PAH: variants seen among roughly 807,000 people sequenced by gnomAD.
PAH encodes the protein phenylalanine hydroxylase.
PAH carries 64 observed loss-of-function variants against 62.0 expected under a neutral mutation model. That is an observed-to-expected ratio of 1.03 (90% CI 0.84 to 1.27). The LOEUF is 1.27. Among genes scored for constraint, PAH ranks in the 50% most tolerant of loss-of-function variants. The pLI is 0.00. For synonymous variants in PAH, 195 were observed against 196.2 expected, an observed-to-expected ratio of 0.99 and a Z score of 0.05; for missense variants, 579 against 542.8, an observed-to-expected ratio of 1.07 and a Z score of -0.66.
chr12:102,887,741 C>T (rs749907983), intron 3 of PAH, among the ~76,000 whole-genome samples: 3 of 152,056 alleles, frequency 2.0e-5, no homozygotes, highest in Non-Finnish European at 2.9e-5. Flanking sequence ...GAAGGAGAAG[C>T]GGTCATCCAT....
intron 5 of PAH, among the ~76,000 whole-genome samples, chr12:102,864,711 A>G (rs1370995190): frequency 1.3e-5 from 2 of 151,742 alleles, no homozygotes; most frequent in Non-Finnish European, 2.9e-5. Flanking sequence ...TCTCTGTGCT[A>G]GTCTGGGAAT....
At chr12:102,907,894 AG>A (rs745565583) in intron 2 of PAH, among the ~76,000 whole-genome samples, 2 of 152,172 alleles carry the variant, frequency 1.3e-5, no homozygotes, top group Non-Finnish European at 2.9e-5. Context: ...CTGGGACTAC[AG>A]GTGTGAGCCA....
chr12:102,929,058 T>G (rs1878768884), intron 1 of PAH, among the ~76,000 whole-genome samples: 2 of 152,168 alleles, frequency 1.3e-5, no homozygotes, highest in Non-Finnish European at 2.9e-5. Context: ...GGCTTTTTTC[T>G]CTTTTGCTCG....
intron 2 of PAH, among the ~76,000 whole-genome samples, chr12:102,897,465 GTATATATA>G (rs376902236): frequency 1.2e-4 from 11 of 93,970 alleles, no homozygotes; most frequent in African/African-American, 3.3e-4. Flanking sequence ...GTGTGTGTGT[GTATATATA>G]TATATATATA....
chr12:102,952,424 G>T (rs1350022123), upstream of PAH, among the ~76,000 whole-genome samples: 1 of 152,124 alleles, frequency 6.6e-6, no homozygotes, highest in Non-Finnish European at 1.5e-5. Flanking sequence ...AGGTGGGGAG[G>T]AGGAGGGAAG....
At chr12:102,847,050 C>T (rs758670608) in intron 8 of PAH, 99 bp from the exon 9 acceptor site, 4 of 899,304 alleles carry the variant, frequency 4.4e-6, no homozygotes, top group Admixed American at 1.7e-5. Flanking sequence ...TGGCCAGATG[C>T]CTTCAGAACA....
At chr12:102,853,015 CT>C in intron 6 of PAH, 65 bp from the exon 7 acceptor site, 2 of 1,575,788 alleles carry the variant, frequency 1.3e-6, no homozygotes, top group Non-Finnish European at 1.7e-6. Flanking sequence ...ACTAGGAGAC[CT>C]TTAGGTAGTG....
upstream of PAH, among the ~76,000 whole-genome samples, chr12:102,955,836 C>T (rs936194447): frequency 6.6e-5 from 10 of 152,258 alleles, no homozygotes; most frequent in African/African-American, 2.4e-4. Context: ...GCCATCAAGC[C>T]ACAGGTTACC....
chr12:102,900,668 G>A (rs1211059019), intron 2 of PAH, among the ~76,000 whole-genome samples: 1 of 152,120 alleles, frequency 6.6e-6, no homozygotes, highest in South Asian at 2.1e-4. Flanking sequence ...CCTTATTGGC[G>A]TCTTTCTAAT....
chr12:102,908,538 C>T (rs943219576), intron 2 of PAH, among the ~76,000 whole-genome samples: 12 of 152,168 alleles, frequency 7.9e-5, no homozygotes, highest in African/African-American at 2.4e-4. Context: ...CTCAGACATA[C>T]ATTCTCCTCC....
At position 102,866,675 on chromosome 12, in the gene PAH, G is replaced by C. The variant is rs1565853562; in HGVS notation, c.442-12C>G. 1 of 1,611,380 alleles carries C rather than the reference G, an allele frequency of 6.2e-7. No homozygotes were observed. The highest frequency in any genetic ancestry group is 8.5e-7 in the Non-Finnish European group (1 of 1,177,588). ...GGATCTTTAAAACCCTAGGAGAAAA[G>C]AGACACCTGATTTTTCAAGGCTTCA... is the stretch of plus-strand genomic sequence containing the variant. On this transcript the variant is annotated splice_polypyrimidine_tract_variant and intron_variant, in intron 4 of 12. Transcript: ENST00000553106.
At chr12:102,861,138 G>GA (rs1269747820) in intron 5 of PAH, among the ~76,000 whole-genome samples, 1 of 151,722 alleles carries the variant, frequency 6.6e-6, no homozygotes, top group Non-Finnish European at 1.5e-5. Context: ...AAATTTACAA[G>GA]AAAAAAACAA....
intron 1 of PAH, among the ~76,000 whole-genome samples, chr12:102,927,113 C>T (rs1878704380): frequency 6.6e-6 from 1 of 151,996 alleles, no homozygotes; most frequent in Admixed American, 6.6e-5. Context: ...GCAGAGAAGG[C>T]TCAGCCATTG....
At chr12:102,877,269 A>T (rs759932668) in intron 4 of PAH, 193 bp downstream of exon 4, 2 of 638,938 alleles carry the variant, frequency 3.1e-6, no homozygotes, top group Non-Finnish European at 5.7e-6. Context: ...CTCCTACAAA[A>T]ATAATGACCA....
At chr12:102,953,899 C>T (rs1879839072), upstream of PAH, 2 of 152,224 alleles carry the variant, frequency 1.3e-5, no homozygotes, top group South Asian at 4.1e-4. Context: ...AAGCAAATTA[C>T]CCAACAACAT....
At chr12:102,932,772 T>C (rs1440367943) in intron 1 of PAH, among the ~76,000 whole-genome samples, 1 of 152,200 alleles carries the variant, frequency 6.6e-6, no homozygotes, top group Non-Finnish European at 1.5e-5. Context: ...CTTATAAGAA[T>C]AATGGGAGGC....
intron 2 of PAH, 35 bp from the exon 3 acceptor site, chr12:102,894,953 C>T (rs1186420506): frequency 1.3e-6 from 2 of 1,534,670 alleles, no homozygotes; most frequent in Non-Finnish European, 1.8e-6. Flanking sequence ...AGGAGACAGT[C>T]ACTGGAACTA....
At chr12:102,896,512 A>G (rs921078986) in intron 2 of PAH, among the ~76,000 whole-genome samples, 1 of 152,260 alleles carries the variant, frequency 6.6e-6, no homozygotes, top group Non-Finnish European at 1.5e-5. Context: ...GGGATAAGAT[A>G]GACCAAGCAA....
chr12:102,897,461 G>A lies in PAH; in HGVS notation c.169-2543C>T, dbSNP rs1217646178. 8.0e-3 allele frequency among the ~76,000 whole-genome samples: 1,033 copies of A among 129,336 alleles called. 22 individuals carry two copies. The highest frequency in any genetic ancestry group is 0.038 in the African/African-American group (977 of 26,024). The allele number at this position is 129,336 out of a possible 152,430, so 84.8% of individuals were successfully genotyped here. A position where few individuals can be genotyped will look rare whatever the true frequency, so the allele number is the denominator to read the frequency against. On this transcript the variant is annotated intron_variant, in intron 2 of 12. Coordinates refer to ENST00000553106, the MANE Select transcript of PAH (RefSeq NM_000277.3). ...TTAACTCTCATATATATGTGTGTGT[G>A]TGTGTATATATATATATATATATAT...
Sources: gnomAD v4.1 joint callset for allele counts (sites outside exome capture counted in the v4.1 genomes callset) on GRCh38, gnomAD v4.1.1 for gene constraint, MANE v1.5 for transcripts, NCBI Gene and HGNC (gene_info 2026-07-23, HGNC 2026-07-21) for gene names.